Variants in MYO19 observed in about 807,000 individuals in gnomAD.
MYO19 encodes the protein myosin XIX.
MYO19 carries 132 observed loss-of-function variants against 129.2 expected under a neutral mutation model. The ratio of observed to expected loss-of-function variants is 1.02; its 90% CI spans 0.89 to 1.18. The LOEUF (loss-of-function observed/expected upper bound fraction) is 1.18. Ranked by LOEUF, MYO19 falls within the 50% of genes most tolerant of loss-of-function variation. The pLI is 0.00. For synonymous variants in MYO19, 531 were observed against 477.2 expected, an observed-to-expected ratio of 1.11 and a Z score of -1.47; for missense variants, 1,210 against 1,216.7, an observed-to-expected ratio of 0.99 and a Z score of 0.08.
upstream of MYO19, among the ~76,000 whole-genome samples, chr17:36,544,479 T>C (rs1481136960): frequency 6.6e-6 from 1 of 152,232 alleles, no homozygotes; most frequent in Non-Finnish European, 1.5e-5. Flanking sequence ...CCGCCCCCTC[T>C]GATCTCGACT....
At chr17:36,500,783 TC>T in intron 23 of MYO19, 46 bp downstream of exon 23, 2 of 1,567,856 alleles carry the variant, frequency 1.3e-6, no homozygotes, top group Non-Finnish European at 1.7e-6. Context: ...GAAACCAACA[TC>T]CTGTGGGGTC....
chr17:36,499,654 C>CTTTTTTTTTTTTTTTTTTT (rs1260911885), intron 23 of MYO19: 2 of 73,092 alleles, frequency 2.7e-5, no homozygotes, highest in African/African-American at 1.2e-4. Context: ...TATTCTTTTT[C>CTTTTTTTTTTTTTTTTTTT]TTTTTGTTTC....
Position 36,510,757 on chromosome 17 carries a change from C to A in MYO19, c.1146G>T (p.Leu382=). ...GAGTAACTGCTCACCGCGCATAGATCAGTTTGGCCAGGCAGTCTCTACGGG... is the reference window on the plus strand; with the variant it reads ...GAGTAACTGCTCACCGCGCATAGATAAGTTTGGCCAGGCAGTCTCTACGGG... ...CDTRRDCLAK[L]IYARLFDWLV... Residue 382 remains leucine, a synonymous_variant, in exon 13 of 26, where the codon CTG becomes CTT. Coordinates refer to ENST00000614623, the MANE Select transcript of MYO19 (RefSeq NM_001163735.2). The A allele has an allele frequency of 6.2e-7, 1 of 1,606,566 alleles. No homozygotes were observed. The highest frequency in any genetic ancestry group is 8.5e-7 in the Non-Finnish European group (1 of 1,176,016).
At chr17:36,516,129 C>A in intron 6 of MYO19, 139 bp from the exon 7 acceptor site, 1 of 1,020,066 alleles carries the variant, frequency 9.8e-7, no homozygotes. Flanking sequence ...GAATTCAACC[C>A]TGGCCTCAGG....
chr17:36,527,759 A>G (rs982261776), intron 4 of MYO19, 60 bp from the exon 5 acceptor site: 23 of 1,528,926 alleles, frequency 1.5e-5, no homozygotes, highest in Non-Finnish European at 2.0e-5. Flanking sequence ...ACACACACAG[A>G]CACACATCTA....
chr17:36,513,705 C>T lies in MYO19; in HGVS notation c.741G>A (p.Glu247=), dbSNP rs776577091. The change falls in exon 10 of 26, where the codon GAG becomes GAA. Residue 247 remains glutamate, a synonymous_variant. Coordinates refer to ENST00000614623, the MANE Select transcript of MYO19 (RefSeq NM_001163735.2). ...GAAGGTGCCACTGGAGCCTCTCGTC[C>T]TCACTGGCTCCTTTGCAAATCTGTG... ...IFYQICKGAS[E]DERLQWHLPE... is the part of the protein sequence containing the mutation. The T allele has an allele frequency of 6.8e-6, 11 of 1,613,724 alleles. 1 individual carries two copies. In the South Asian group the frequency reaches 1.2e-4, roughly 18 times the overall value.
At chr17:36,496,459 G>A in intron 25 of MYO19, 53 bp from the exon 26 acceptor site, 1 of 1,576,138 alleles carries the variant, frequency 6.3e-7, no homozygotes, top group Non-Finnish European at 8.7e-7. Flanking sequence ...GAGTGCCAGG[G>A]CCTAACAACC....
chr17:36,499,079 C>A lies in MYO19; in HGVS notation c.2459G>T (p.Trp820Leu). ...GACTTCTTGGGTCTTACTTACTCTC[C>A]ACTTCTGCCATGCACGCTTGATGAC... is the stretch of plus-strand genomic sequence containing the variant. ...ATVIKRAWQK[W>L]RIRMACLAAK... Residue 820 changes from tryptophan to leucine, a missense_variant, in exon 24 of 26, where the codon TGG becomes TTG. Transcript: ENST00000614623. 6.2e-7 allele frequency: 1 copy of A among 1,607,028 alleles called. No individual in the cohort carries two copies. The highest frequency in any genetic ancestry group is 1.1e-5 in the South Asian group (1 of 89,618).
intron 6 of MYO19, among the ~76,000 whole-genome samples, chr17:36,519,289 G>C (rs2142193223): frequency 6.6e-6 from 1 of 152,252 alleles, no homozygotes; most frequent in East Asian, 1.9e-4. Flanking sequence ...GTTTAGAACT[G>C]TTTTCTTGAT....
intron 6 of MYO19, among the ~76,000 whole-genome samples, chr17:36,521,148 C>A (rs972361689): frequency 1.3e-5 from 2 of 152,122 alleles, no homozygotes; most frequent in African/African-American, 4.8e-5. Context: ...AATAAGCTCA[C>A]GGGAAAAGTT....
chr17:36,532,582 A>G lies in MYO19; in HGVS notation c.-44T>C. ...GCCAGGGTTCTGGGTTGCAGGAGGT[A>G]CAAGGAGTACTATCCACCTAGTCAT... On this transcript the variant is annotated 5_prime_UTR_variant, in exon 3 of 26. Coordinates refer to ENST00000614623, the MANE Select transcript of MYO19 (RefSeq NM_001163735.2). 6.4e-7 allele frequency: 1 copy of G among 1,552,194 alleles called. No individual in the cohort carries two copies. Among genetic ancestry groups the G allele is most frequent in the South Asian group, 1.2e-5 (1 of 84,064 alleles).
intron 19 of MYO19, 68 bp downstream of exon 19, chr17:36,505,229 C>T: frequency 2.2e-6 from 3 of 1,369,084 alleles, no homozygotes; most frequent in African/African-American, 1.4e-5. Context: ...ATGTCCTGCC[C>T]TTCATCTCTC....
intron 3 of MYO19, 50 bp from the exon 4 acceptor site, chr17:36,528,252 T>C (rs1369657174): frequency 6.5e-7 from 1 of 1,535,352 alleles, no homozygotes; most frequent in East Asian, 2.5e-5. Flanking sequence ...CTCATGCCTA[T>C]AATCCCAGCA....
intron 21 of MYO19, chr17:36,502,880 C>T (rs1311436963): frequency 7.9e-5 from 46 of 578,868 alleles, no homozygotes; most frequent in Admixed American, 6.3e-4. Context: ...CCCCAATTCA[C>T]ACCTCCCTAG....
Position 36,507,800 on chromosome 17 carries a change from C to T in MYO19, c.1353+3G>A. ...CCTGCCTCCTGCTCACCCCATCCCT[C>T]ACCTGCTGGGCCCTTAGGTAGTGAG... On this transcript the variant is annotated splice_donor_region_variant and intron_variant, in intron 15 of 25. Coordinates refer to ENST00000614623, the MANE Select transcript of MYO19 (RefSeq NM_001163735.2). 6.2e-7 allele frequency: 1 copy of T among 1,606,278 alleles called. No homozygotes were observed. Among genetic ancestry groups the T allele is most frequent in the Non-Finnish European group, 8.5e-7 (1 of 1,175,272 alleles).
At chr17:36,527,140 TG>T (rs1472702441) in intron 5 of MYO19, among the ~76,000 whole-genome samples, 2 of 151,998 alleles carry the variant, frequency 1.3e-5, no homozygotes, top group Non-Finnish European at 2.9e-5. Context: ...CACTCCAGTC[TG>T]GGCAATAAGA....
chr17:36,503,120 G>A lies in MYO19; in HGVS notation c.2057C>T (p.Pro686Leu). 1 of 1,613,206 alleles carries A rather than the reference G, an allele frequency of 6.2e-7. No individual in the cohort carries two copies. Among genetic ancestry groups the A allele is most frequent in the Non-Finnish European group, 8.5e-7 (1 of 1,179,118 alleles). The change falls in exon 21 of 26, where the codon CCA becomes CTA. Residue 686 changes from proline (P) to leucine (L), a missense_variant. Transcript: ENST00000614623. ...ACCAGGGAGCCCTTTGGCAGGATAT[G>A]GGCTGTCGGGGCCAGAGGATGTGCA... Reference protein sequence around the residue: ...HPCTSSGPDSPYPAKGLPEWC... With the variant: ...HPCTSSGPDSLYPAKGLPEWC...
At chr17:36,508,865 C>G (rs1043799561) in intron 14 of MYO19, 197 bp downstream of exon 14, 1 of 610,096 alleles carries the variant, frequency 1.6e-6, no homozygotes, top group African/African-American at 1.8e-5. Flanking sequence ...ATGGACTGCT[C>G]AGATGTGGGT....
In MYO19 at chr17:36,498,553, T is replaced by C. The variant is rs1378698890; in HGVS notation, c.2470A>G (p.Met824Val). The change falls in exon 25 of 26, where the codon ATG (methionine) becomes GTG (valine). Residue 824 changes from methionine to valine, a missense_variant. Coordinates refer to ENST00000614623, the MANE Select transcript of MYO19 (RefSeq NM_001163735.2). Reference protein sequence around the residue: ...KRAWQKWRIRMACLAAKELDG... With the variant: ...KRAWQKWRIRVACLAAKELDG... ...AGCTCTTTAGCAGCAAGGCAGGCCATTCTGATCTTAAAAAGCAAATATCCC... is the reference window on the plus strand; with the variant it reads ...AGCTCTTTAGCAGCAAGGCAGGCCACTCTGATCTTAAAAAGCAAATATCCC... 2 of 1,607,500 alleles carry C rather than the reference T, an allele frequency of 1.2e-6. No individual in the cohort carries two copies. Among genetic ancestry groups the C allele is most frequent in the East Asian group, 2.2e-5 (1 of 44,664 alleles).
Sources: gnomAD v4.1 joint callset for allele counts (sites outside exome capture counted in the v4.1 genomes callset) on GRCh38, gnomAD v4.1.1 for gene constraint, MANE v1.5 for transcripts, NCBI Gene and HGNC (gene_info 2026-07-23, HGNC 2026-07-21) for gene names.